USP34: variants seen among roughly 807,000 people sequenced by gnomAD.
USP34 encodes the protein ubiquitin specific peptidase 34.
Under a neutral mutation model 460.3 loss-of-function variants are expected in USP34, and 70 were observed. The ratio of observed to expected loss-of-function variants is 0.15; its 90% CI spans 0.13 to 0.19. USP34 has a LOEUF of 0.19. Ranked by LOEUF, USP34 falls within the 10% of genes least tolerant of loss-of-function variation. The pLI, the probability that USP34 is intolerant of heterozygous loss-of-function variation, is 1.00. For synonymous variants in USP34, 1,647 were observed against 1,405.3 expected (o/e 1.17, Z -3.85); for missense variants, 3,985 against 4,236.2 (o/e 0.94, Z 1.65).
rs555298676 is a variant in USP34 at position 61,391,996 on chromosome 2, C to T, written c.753+2857G>A. ...TTTAAATAGTATAATTTTGCTTTAA[C>T]GGCCTCAGTTGAGTTGCAAGATAAA... On this transcript the variant is annotated intron_variant, in intron 5 of 79. Transcript: ENST00000398571. Among the ~76,000 whole-genome samples the T allele has an allele frequency of 7.2e-5, 11 of 152,166 alleles. No homozygotes were observed. In the South Asian group the frequency reaches 8.3e-4, roughly 11 times the overall value.
chr2:61,223,215 G>A, intron 63 of USP34, 33 bp downstream of exon 63: 1 of 1,613,364 alleles, frequency 6.2e-7, no homozygotes, highest in Non-Finnish European at 8.5e-7. Context: ...TTTTTGTGAT[G>A]ATCAAATTGT....
At chr2:61,311,467 G>GAAAAGAGAAAGAAAGAGAAAA (rs70963413) in intron 27 of USP34, 73 bp downstream of exon 27, 1 of 1,199,042 alleles carries the variant, frequency 8.3e-7, no homozygotes, top group Non-Finnish European at 1.1e-6. Flanking sequence ...AAGGAAAGGA[G>GAAAAGAGAAAGAAAGAGAAAA]AAAAGAGAAA....
At chr2:61,307,489 G>A (rs922463387) in intron 27 of USP34, among the ~76,000 whole-genome samples, 2 of 151,758 alleles carry the variant, frequency 1.3e-5, no homozygotes, top group African/African-American at 4.8e-5. Flanking sequence ...AGACTTGGAT[G>A]TTAATAAGGA....
intron 41 of USP34, among the ~76,000 whole-genome samples, chr2:61,269,846 ATG>A (rs1192996211): frequency 5.9e-5 from 9 of 152,122 alleles, no homozygotes; most frequent in Non-Finnish European, 1.0e-4. Flanking sequence ...CATAAATACA[ATG>A]TGTAATGATG....
intron 10 of USP34, among the ~76,000 whole-genome samples, chr2:61,360,154 G>C (rs569757221): frequency 6.8e-6 from 1 of 146,940 alleles, no homozygotes; most frequent in Non-Finnish European, 1.5e-5. Context: ...GGAAAGGCAA[G>C]GATGCCCCAG....
intron 34 of USP34, among the ~76,000 whole-genome samples, chr2:61,288,228 C>T (rs997325828): frequency 1.3e-5 from 2 of 152,172 alleles, no homozygotes; most frequent in African/African-American, 4.8e-5. Context: ...TTCTAAGTTC[C>T]TGATAACCCA....
intron 43 of USP34, 36 bp downstream of exon 43, chr2:61,265,361 T>C: frequency 6.3e-7 from 1 of 1,575,216 alleles, no homozygotes; most frequent in Admixed American, 2.0e-5. Context: ...AAAATCTGGT[T>C]TATAATTTTG....
chr2:61,321,799 A>G (rs1186490926), intron 21 of USP34, among the ~76,000 whole-genome samples: 1 of 152,232 alleles, frequency 6.6e-6, no homozygotes, highest in Non-Finnish European at 1.5e-5. Context: ...AATAGTAAAA[A>G]TGATTGGGGG....
At chr2:61,245,999 A>G (rs7586288) in intron 50 of USP34, among the ~76,000 whole-genome samples, 4,383 of 152,320 alleles carry the variant, frequency 0.029, 218 homozygotes, top group African/African-American at 0.1. Flanking sequence ...AATGGCACAT[A>G]TAAGGCTACA....
chr2:61,338,856 T>C (rs1232037011), intron 18 of USP34, among the ~76,000 whole-genome samples: 1 of 152,128 alleles, frequency 6.6e-6, no homozygotes, highest in African/African-American at 2.4e-5. Context: ...ACTGTACATA[T>C]CTAATATATA....
At chr2:61,207,098 G>T (rs945947645) in intron 70 of USP34, 9 of 474,766 alleles carry the variant, frequency 1.9e-5, no homozygotes, top group African/African-American at 1.8e-4. Flanking sequence ...GCTATTTTGT[G>T]TGTATATTCT....
intron 1 of USP34, among the ~76,000 whole-genome samples, chr2:61,436,795 C>T (rs1044841469): frequency 6.6e-6 from 1 of 152,154 alleles, no homozygotes; most frequent in East Asian, 1.9e-4. Flanking sequence ...GGACATAAAA[C>T]AAGTCTCAAC....
chr2:61,206,736 CATAAG>C lies in USP34; in HGVS notation c.9046+19_9046+23del, dbSNP rs3217621. 2,845 of 1,609,156 alleles carry C rather than the reference CATAAG, an allele frequency of 1.8e-3. 53 individuals are homozygous for C. The East Asian group carries it at 0.032, about 18-fold the overall frequency. On this transcript the variant is annotated intron_variant, in intron 71 of 79. Coordinates refer to ENST00000398571, the MANE Select transcript of USP34 (RefSeq NM_014709.4). ...CTCTTTACTAGTAGCACGAACAAAA[CATAAG>C]AAGTAGGAATGAGCAAACCTTTTCT...
Position 61,348,240 on chromosome 2 carries a change from C to A in USP34, c.1915G>T (p.Gly639Cys). 6.2e-7 allele frequency: 1 copy of A among 1,614,182 alleles called. No individual in the cohort carries two copies. Residue 639 changes from glycine (G) to cysteine (C), a missense_variant, in exon 15 of 80, where the codon GGT becomes TGT. Physicochemically the swap from Gly to Cys is radical, Grantham distance 159 (BLOSUM62 -3). Transcript: ENST00000398571. ...HGHNPPKSSC[G>C]TDLRNRKLES... is the part of the protein sequence containing the mutation. ...AACTTTCTATTCCGAAGATCTGTAC[C>A]ACAACTGCTTTTGGGAGGATTATGA...
chr2:61,244,583 C>T (rs1008714497), intron 51 of USP34, among the ~76,000 whole-genome samples: 1 of 149,592 alleles, frequency 6.7e-6, no homozygotes, highest in African/African-American at 2.5e-5. Context: ...CCACTGACTC[C>T]AGTCTGGGCG....
intron 27 of USP34, among the ~76,000 whole-genome samples, chr2:61,302,452 T>C (rs1413768802): frequency 1.3e-5 from 2 of 152,246 alleles, no homozygotes; most frequent in East Asian, 1.9e-4. Flanking sequence ...TATAAGTAAA[T>C]TGCTAATCAT....
intron 1 of USP34, among the ~76,000 whole-genome samples, chr2:61,421,507 C>G (rs1694355499): frequency 6.6e-6 from 1 of 152,166 alleles, no homozygotes; most frequent in South Asian, 2.1e-4. Flanking sequence ...CTGGTCCACA[C>G]AGCTTTACAA....
At chr2:61,287,333 T>G (rs1689720444) in intron 34 of USP34, among the ~76,000 whole-genome samples, 1 of 152,220 alleles carries the variant, frequency 6.6e-6, no homozygotes, top group Admixed American at 6.5e-5. Flanking sequence ...AAATCTCACC[T>G]TGATCACTCC....
chr2:61,332,360 TTA>T, intron 19 of USP34, among the ~76,000 whole-genome samples: 1 of 152,166 alleles, frequency 6.6e-6, no homozygotes, highest in South Asian at 2.1e-4. Context: ...GTGATGTAGT[TTA>T]TGAGATTTAG....
Sources: allele counts gnomAD v4.1 joint callset (sites outside exome capture counted in the v4.1 genomes callset), GRCh38; gene constraint gnomAD v4.1.1; transcripts MANE v1.5; gene names NCBI Gene and HGNC (gene_info 2026-07-23, HGNC 2026-07-21).